RPS6KC1: variants seen among roughly 807,000 people sequenced by gnomAD.
The protein encoded by RPS6KC1 is inactive ribosomal protein S6 kinase delta-1.
In RPS6KC1, 54 loss-of-function variants were observed where a neutral mutation model predicts 103.8. The observed-to-expected ratio is 0.52, with a 90% CI of 0.42 to 0.65. The LOEUF is 0.65. RPS6KC1 is among the 30% of genes least tolerant of loss of function. The probability of loss-of-function intolerance (pLI) is 0.00; values close to 1 mark genes in which losing one functional copy is unlikely to be tolerated. For synonymous variants in RPS6KC1, 439 were observed against 438.7 expected (o/e 1.00, Z -0.01); for missense variants, 1,151 against 1,253.8 (o/e 0.92, Z 1.24).
the RPS6KC1 span, among the ~76,000 whole-genome samples, chr1:213,613,532 A>G: frequency 2.6e-5 from 4 of 152,202 alleles, no homozygotes; most frequent in South Asian, 8.3e-4. Context: ...TTTATAAAAC[A>G]CTATCACTGG....
chr1:213,159,576 A>G (rs2090259356), intron 6 of RPS6KC1, among the ~76,000 whole-genome samples: 1 of 152,222 alleles, frequency 6.6e-6, no homozygotes, highest in Non-Finnish European at 1.5e-5. Flanking sequence ...CACATTAATT[A>G]CCTGTTTTTG....
chr1:213,265,383 T>G (rs1264277748), intron 14 of RPS6KC1, among the ~76,000 whole-genome samples: 1 of 152,228 alleles, frequency 6.6e-6, no homozygotes, highest in Non-Finnish European at 1.5e-5. Context: ...ACATTTAAAG[T>G]ATATTTTAGA....
the RPS6KC1 span, among the ~76,000 whole-genome samples, chr1:213,694,853 A>T: frequency 5.5e-3 from 836 of 152,322 alleles, 8 homozygotes; most frequent in African/African-American, 0.019. Flanking sequence ...TTGAACATCT[A>T]CTGCATTTCA....
At chr1:213,580,836 G>A in the RPS6KC1 span, among the ~76,000 whole-genome samples, 18 of 151,906 alleles carry the variant, frequency 1.2e-4, no homozygotes, top group South Asian at 3.7e-3. Flanking sequence ...CTATGCTATT[G>A]CACACTTAAT....
chr1:213,829,333 A>G, the RPS6KC1 span, among the ~76,000 whole-genome samples: 2 of 151,316 alleles, frequency 1.3e-5, no homozygotes, highest in African/African-American at 2.4e-5. Flanking sequence ...AATCAGGATT[A>G]AAGTCAGGGA....
chr1:213,261,754 T>G (rs2094802777), intron 13 of RPS6KC1, 114 bp downstream of exon 13: 1 of 866,818 alleles, frequency 1.2e-6, no homozygotes, highest in Non-Finnish European at 1.8e-6. Flanking sequence ...AAGAAAAACT[T>G]TGATATCGAA....
chr1:213,106,918 C>T (rs1213513612), intron 4 of RPS6KC1, among the ~76,000 whole-genome samples: 4 of 152,018 alleles, frequency 2.6e-5, no homozygotes, highest in Non-Finnish European at 4.4e-5. Flanking sequence ...GCACCTATCA[C>T]CAACATCCAA....
At chr1:213,360,677 A>G in the RPS6KC1 span, among the ~76,000 whole-genome samples, 2 of 151,916 alleles carry the variant, frequency 1.3e-5, no homozygotes, top group Non-Finnish European at 2.9e-5. Context: ...TTTTTTCCCC[A>G]TCTTTGTGGT....
At chr1:213,117,443 G>C in intron 5 of RPS6KC1, 33 bp downstream of exon 5, 1 of 1,283,626 alleles carries the variant, frequency 7.8e-7, no homozygotes, top group Non-Finnish European at 1.1e-6. Flanking sequence ...CATTTCAAAG[G>C]TTTGGATTAC....
the RPS6KC1 span, among the ~76,000 whole-genome samples, chr1:213,555,571 T>G: frequency 6.6e-6 from 1 of 152,182 alleles, no homozygotes; most frequent in Non-Finnish European, 1.5e-5. Flanking sequence ...CATCTCTGCC[T>G]TCTGAGTAGT....
At chr1:213,698,283 C>T in the RPS6KC1 span, among the ~76,000 whole-genome samples, 1 of 152,118 alleles carries the variant, frequency 6.6e-6, no homozygotes, top group Non-Finnish European at 1.5e-5. Context: ...TATCACTTGC[C>T]TGGCCAAAGT....
At chr1:213,288,697 G>T in the RPS6KC1 span, among the ~76,000 whole-genome samples, 1 of 152,090 alleles carries the variant, frequency 6.6e-6, no homozygotes, top group African/African-American at 2.4e-5. Flanking sequence ...TTCTTTCCTT[G>T]GGTGGTTGTA....
chr1:213,135,248 G>T (rs1312780334), intron 6 of RPS6KC1, among the ~76,000 whole-genome samples: 1 of 151,928 alleles, frequency 6.6e-6, no homozygotes, highest in Non-Finnish European at 1.5e-5. Context: ...GAACCACTCT[G>T]GAATTCCTAG....
chr1:213,495,090 G>A, the RPS6KC1 span, among the ~76,000 whole-genome samples: 1 of 152,144 alleles, frequency 6.6e-6, no homozygotes, highest in South Asian at 2.1e-4. Flanking sequence ...CAGTAAAACA[G>A]CTTCAAATAC....
the RPS6KC1 span, among the ~76,000 whole-genome samples, chr1:213,394,274 C>T: frequency 7.7e-4 from 118 of 152,286 alleles, no homozygotes; most frequent in African/African-American, 2.8e-3. Flanking sequence ...CCAGCTCATG[C>T]TCGTGCCAAT....
chr1:213,176,884 A>C (rs2091909907), intron 8 of RPS6KC1, among the ~76,000 whole-genome samples: 1 of 152,214 alleles, frequency 6.6e-6, no homozygotes, highest in Non-Finnish European at 1.5e-5. Flanking sequence ...TTTACTGAGC[A>C]CCTACTATAT....
chr1:213,799,081 A>C, the RPS6KC1 span, among the ~76,000 whole-genome samples: 2 of 152,184 alleles, frequency 1.3e-5, no homozygotes, highest in Non-Finnish European at 2.9e-5. Context: ...GGTTACTCTA[A>C]GTGTTCATTT....
chr1:213,247,663 A>G (rs767862289), intron 12 of RPS6KC1, among the ~76,000 whole-genome samples: 2 of 152,160 alleles, frequency 1.3e-5, no homozygotes, highest in African/African-American at 4.8e-5. Flanking sequence ...GACCTCGGGA[A>G]ATTTATTTAA....
the RPS6KC1 span, among the ~76,000 whole-genome samples, chr1:213,288,294 C>T: frequency 6.6e-6 from 1 of 152,312 alleles, no homozygotes; most frequent in South Asian, 2.1e-4. Flanking sequence ...GCATCTGGGT[C>T]GACCCTAGTG....
Sources: allele counts gnomAD v4.1 joint callset (sites outside exome capture counted in the v4.1 genomes callset), GRCh38; gene constraint gnomAD v4.1.1; transcripts MANE v1.5; gene names NCBI Gene and HGNC (gene_info 2026-07-23, HGNC 2026-07-21).